Variants in NFIB observed in about 807,000 individuals in gnomAD.
The protein encoded by NFIB is nuclear factor I B.
A neutral mutation model predicts 61.5 loss-of-function variants in NFIB; 11 were observed. The observed-to-expected ratio is 0.18, with a 90% CI of 0.11 to 0.30. NFIB has a LOEUF of 0.30. Among genes scored for constraint, NFIB ranks in the 10% least tolerant of loss-of-function variants. The probability of loss-of-function intolerance (pLI) is 1.00; values close to 1 mark genes in which losing one functional copy is unlikely to be tolerated. For synonymous variants in NFIB, 260 were observed against 216.5 expected (o/e 1.20, Z -1.76); for missense variants, 471 against 608.9 (o/e 0.77, Z 2.38).
In NFIB at chr9:14,231,120, GA is replaced by G. The variant is rs1188458970; in HGVS notation, c.563-51341del. ...CCTTGGCCTACAGTTTTTCCATGGG[GA>G]AAAAAAAAAAAAAAATATATATATA... On this transcript the variant is annotated intron_variant, in intron 2 of 10. Transcript: ENST00000380953. 8.1e-3 allele frequency among the ~76,000 whole-genome samples: 530 copies of G among 65,746 alleles called. 11 individuals carry two copies. Among genetic ancestry groups the G allele is most frequent in the African/African-American group, 0.018 (313 of 17,322 alleles). 43.1% of individuals were successfully genotyped at this position (65,746 alleles called of 152,430 possible).
At chr9:14,327,659 A>G (rs1025761745) in intron 1 of NFIB, among the ~76,000 whole-genome samples, 11 of 152,312 alleles carry the variant, frequency 7.2e-5, no homozygotes, top group East Asian at 1.9e-4. Flanking sequence ...AAAACCTTCA[A>G]ATAAACTCTA....
the NFIB span, among the ~76,000 whole-genome samples, chr9:14,425,473 G>C: frequency 1.3e-5 from 2 of 152,240 alleles, no homozygotes; most frequent in East Asian, 3.9e-4. Context: ...CTGTGCACTT[G>C]ATGCCCTGTT....
intron 2 of NFIB, among the ~76,000 whole-genome samples, chr9:14,278,715 C>T (rs193199894): frequency 2.0e-3 from 310 of 152,136 alleles, no homozygotes; most frequent in Non-Finnish European, 3.5e-3. Flanking sequence ...GACTTTTAAC[C>T]CCACCATGAT....
intron 2 of NFIB, among the ~76,000 whole-genome samples, chr9:14,234,817 G>A (rs1371033268): frequency 1.2e-5 from 1 of 84,308 alleles, no homozygotes; most frequent in Admixed American, 1.2e-4. Context: ...TTTTTTTTTG[G>A]GTATGTTTTA....
chr9:14,489,997 T>A, the NFIB span, among the ~76,000 whole-genome samples: 1 of 152,182 alleles, frequency 6.6e-6, no homozygotes, highest in Non-Finnish European at 1.5e-5. Flanking sequence ...AACATCTTTG[T>A]ACATAAGCCT....
intron 1 of NFIB, among the ~76,000 whole-genome samples, chr9:14,354,880 G>C (rs980927737): frequency 7.9e-5 from 12 of 151,890 alleles, no homozygotes; most frequent in Admixed American, 3.9e-4. Context: ...GATGTGAAGG[G>C]AGTGTGTAGC....
chr9:14,396,591 A>G (rs570037095), intron 1 of NFIB, among the ~76,000 whole-genome samples: 2 of 152,300 alleles, frequency 1.3e-5, no homozygotes, highest in Non-Finnish European at 2.9e-5. Context: ...TTTGTGTGTA[A>G]CTGTGGGAAA....
At chr9:14,481,193 GTGTGTA>G in the NFIB span, among the ~76,000 whole-genome samples, 1 of 30,460 alleles carries the variant, frequency 3.3e-5, no homozygotes, top group African/African-American at 1.9e-4. Flanking sequence ...GTGTGTGTGT[GTGTGTA>G]TATATATATA....
intron 1 of NFIB, among the ~76,000 whole-genome samples, chr9:14,396,885 A>G (rs934195535): frequency 2.6e-5 from 4 of 152,170 alleles, no homozygotes; most frequent in Non-Finnish European, 4.4e-5. Context: ...GAATTGAAAA[A>G]GAAGAGAGGT....
chr9:14,108,995 G>A (rs1587255064), intron 10 of NFIB, among the ~76,000 whole-genome samples: 1 of 152,022 alleles, frequency 6.6e-6, no homozygotes, highest in East Asian at 1.9e-4. Flanking sequence ...TAAGAATTTA[G>A]GCTCTTATTA....
intron 10 of NFIB, among the ~76,000 whole-genome samples, chr9:14,107,320 AAAC>A (rs1039919879): frequency 6.6e-6 from 1 of 151,794 alleles, no homozygotes; most frequent in African/African-American, 2.4e-5. Context: ...ATGCAAAAAA[AAAC>A]AAACAAACAA....
intron 6 of NFIB, among the ~76,000 whole-genome samples, chr9:14,142,412 CT>C (rs1273267632): frequency 6.6e-6 from 1 of 152,144 alleles, no homozygotes; most frequent in East Asian, 1.9e-4. Flanking sequence ...AAACCTCTTC[CT>C]TTTGTAAATT....
chr9:14,125,606 TCTC>T, intron 7 of NFIB, 23 bp downstream of exon 7: 1 of 1,612,974 alleles, frequency 6.2e-7, no homozygotes, highest in Non-Finnish European at 8.5e-7. Context: ...GAAGGAGGCT[TCTC>T]CTCTATGCTT....
chr9:14,344,610 G>C (rs1229588872), intron 1 of NFIB, among the ~76,000 whole-genome samples: 1 of 151,956 alleles, frequency 6.6e-6, no homozygotes, highest in East Asian at 1.9e-4. Flanking sequence ...TAAATGACTG[G>C]GTTTTTTTAA....
chr9:14,498,767 C>T, the NFIB span, among the ~76,000 whole-genome samples: 1 of 69,766 alleles, frequency 1.4e-5, no homozygotes, highest in African/African-American at 4.1e-5. Context: ...ACTCATGGCC[C>T]TCCCTCCCTC....
intron 1 of NFIB, among the ~76,000 whole-genome samples, chr9:14,350,137 C>T (rs144543750): frequency 2.0e-5 from 3 of 152,236 alleles, no homozygotes; most frequent in African/African-American, 4.8e-5. Flanking sequence ...CGCTCAGCCT[C>T]GGTGCCTCTG....
At chr9:14,305,880 G>T (rs749962457) in intron 2 of NFIB, 2 of 746,148 alleles carry the variant, frequency 2.7e-6, no homozygotes, top group South Asian at 4.9e-5. Context: ...GTTTGGAAAT[G>T]ACCTACCATC....
chr9:14,287,363 G>GA (rs1554702430), intron 2 of NFIB, among the ~76,000 whole-genome samples: 16 of 150,604 alleles, frequency 1.1e-4, no homozygotes, highest in South Asian at 4.2e-4. Context: ...CCCGGGAGGC[G>GA]GCTTGCAGTG....
chr9:14,084,793 T>C lies in NFIB; in HGVS notation c.*3516A>G. The stretch of plus-strand genomic sequence containing the variant: ...GTACACGAGGAGGAGGCCGAAAAGT[T>C]GATTTGAGATTTTATATATATAGTA... On this transcript the variant is annotated 3_prime_UTR_variant, in exon 11 of 11. Coordinates refer to ENST00000380953, the MANE Select transcript of NFIB (RefSeq NM_001190737.2). 1 of 228,856 alleles carries C rather than the reference T, an allele frequency of 4.4e-6. No homozygotes were observed. The highest frequency in any genetic ancestry group is 8.7e-6 in the Non-Finnish European group (1 of 115,360). The allele number at this position is 228,856 out of a possible 1,614,324, so 14.2% of individuals were successfully genotyped here.
Sources: allele counts gnomAD v4.1 joint callset (sites outside exome capture counted in the v4.1 genomes callset), GRCh38; gene constraint gnomAD v4.1.1; transcripts MANE v1.5; gene names NCBI Gene and HGNC (gene_info 2026-07-23, HGNC 2026-07-21).